The following FAAH2 variants were observed in gnomAD, a reference collection of about 807,000 sequenced individuals.
The protein encoded by FAAH2 is fatty acid amide hydrolase 2, also known as fatty-acid amide hydrolase 2.
Under a neutral mutation model 36.9 loss-of-function variants are expected in FAAH2, and 60 were observed. The ratio of observed to expected loss-of-function variants is 1.63; its 90% CI spans 1.32 to 2.02. FAAH2 has a LOEUF of 2.02. FAAH2 is among the 30% of genes most tolerant of loss of function. The pLI is 0.00. For synonymous variants in FAAH2, 214 were observed against 143.8 expected (o/e 1.49, Z -3.49); for missense variants, 689 against 397.5 (o/e 1.73, Z -6.23).
the FAAH2 span, among the ~76,000 whole-genome samples, chrX:57,181,927 A>G: frequency 9.0e-6 from 1 of 111,502 alleles, no homozygotes; most frequent in African/African-American, 3.3e-5. Context: ...AACACTGCAC[A>G]CCTTTAACCA....
intron 10 of FAAH2, among the ~76,000 whole-genome samples, chrX:57,482,675 G>T (rs1022888925): frequency 2.9e-5 from 3 of 104,503 alleles, no homozygotes; most frequent in African/African-American, 1.0e-4. Flanking sequence ...GACCAGATCT[G>T]CTTGTATTCG....
At chrX:57,288,209 A>G (rs1251791091) in intron 1 of FAAH2, among the ~76,000 whole-genome samples, 1 of 110,829 alleles carries the variant, frequency 9.0e-6, no homozygotes, top group Non-Finnish European at 1.9e-5. Flanking sequence ...CAGATAATAC[A>G]TATCAAGAAC....
At chrX:57,383,199 G>T (rs1249113538) in intron 7 of FAAH2, among the ~76,000 whole-genome samples, 1 of 111,868 alleles carries the variant, frequency 8.9e-6, no homozygotes, top group African/African-American at 3.3e-5. Context: ...AGCTATCTAT[G>T]ACAAACCCAC....
intron 4 of FAAH2, 22 bp from the exon 5 acceptor site, chrX:57,341,249 A>T (rs770739388): frequency 6.7e-6 from 8 of 1,185,530 alleles, no homozygotes; most frequent in Non-Finnish European, 9.0e-6. Context: ...ATTTATTTGC[A>T]AGTATTTTGT....
chrX:57,447,957 A>G (rs998074061), intron 9 of FAAH2, among the ~76,000 whole-genome samples: 5 of 111,865 alleles, frequency 4.5e-5, no homozygotes, highest in Non-Finnish European at 7.5e-5. Context: ...TTTCTTTTCT[A>G]TCCATCATCA....
the FAAH2 span, among the ~76,000 whole-genome samples, chrX:57,124,663 A>G: frequency 2.7e-5 from 3 of 111,060 alleles, no homozygotes; most frequent in Admixed American, 9.5e-5. Context: ...ATTTGTTTGT[A>G]TCCTCTTTTA....
the FAAH2 span, among the ~76,000 whole-genome samples, chrX:57,201,145 G>C: frequency 9.2e-6 from 1 of 108,654 alleles, no homozygotes; most frequent in South Asian, 4.0e-4. Context: ...TGCCAGGGCT[G>C]GGCACGGTGG....
Position 57,306,992 on chromosome X carries a change from C to CATATATATATATATATATAT in FAAH2, c.276-3600_276-3599insTATATATATATATATATATA, listed in dbSNP as rs1569245607. 3.7e-4 allele frequency among the ~76,000 whole-genome samples: 3 copies of CATATATATATATATATATAT among 8,034 alleles called. No individual in the cohort carries two copies. The Non-Finnish European group carries it at 7.5e-3, about 20-fold the overall frequency. The allele number at this position is 8,034 out of a possible 115,157, so 7.0% of individuals were successfully genotyped here. A position where few individuals can be genotyped will look rare whatever the true frequency, so the allele number is the denominator to read the frequency against. ...ACACACGTATACACACACACACACA[C>CATATATATATATATATATAT]AGATACATATATATATATATATATA... On this transcript the variant is annotated intron_variant, in intron 2 of 10. Transcript: ENST00000374900.
the FAAH2 span, among the ~76,000 whole-genome samples, chrX:57,278,589 T>C: frequency 1.8e-5 from 2 of 109,956 alleles, no homozygotes; most frequent in Non-Finnish European, 3.8e-5. Flanking sequence ...TTGCATCTAA[T>C]AAAACTAAAG....
At chrX:57,262,667 A>C in the FAAH2 span, among the ~76,000 whole-genome samples, 20 of 111,701 alleles carry the variant, frequency 1.8e-4, no homozygotes, top group African/African-American at 5.5e-4. Context: ...TCTAATGAGG[A>C]AATCTCAGAC....
At chrX:57,401,729 G>A (rs2055441109) in intron 7 of FAAH2, among the ~76,000 whole-genome samples, 1 of 111,138 alleles carries the variant, frequency 9.0e-6, no homozygotes, top group African/African-American at 3.3e-5. Context: ...GAACAGGACA[G>A]GCATTCTTTG....
intron 7 of FAAH2, among the ~76,000 whole-genome samples, chrX:57,430,640 G>T (rs1382257205): frequency 3.6e-5 from 4 of 112,099 alleles, no homozygotes; most frequent in African/African-American, 9.7e-5. Context: ...AATGTCATAG[G>T]TCTGCATCAG....
At chrX:57,330,094 A>G (rs2146995049) in intron 3 of FAAH2, among the ~76,000 whole-genome samples, 1 of 112,003 alleles carries the variant, frequency 8.9e-6, no homozygotes, top group South Asian at 3.8e-4. Context: ...GGGCACCTTG[A>G]AAAAAGAACA....
At chrX:57,455,981 A>C (rs1237189010) in intron 10 of FAAH2, among the ~76,000 whole-genome samples, 2 of 111,818 alleles carry the variant, frequency 1.8e-5, no homozygotes, top group Non-Finnish European at 3.8e-5. Context: ...AGTACTCCAC[A>C]CAACAACCAC....
intron 10 of FAAH2, among the ~76,000 whole-genome samples, chrX:57,482,982 A>C (rs1316071092): frequency 2.7e-5 from 3 of 110,144 alleles, no homozygotes; most frequent in Non-Finnish European, 5.7e-5. Flanking sequence ...TGATCACTAT[A>C]TACCTTCATA....
At chrX:57,355,004 C>CT (rs1280089434) in intron 5 of FAAH2, among the ~76,000 whole-genome samples, 1 of 110,968 alleles carries the variant, frequency 9.0e-6, no homozygotes, top group East Asian at 2.8e-4. Flanking sequence ...TTTCTTCTTA[C>CT]TTTTTTATCA....
At chrX:57,280,757 C>A in the FAAH2 span, among the ~76,000 whole-genome samples, 1 of 111,680 alleles carries the variant, frequency 9.0e-6, no homozygotes, top group African/African-American at 3.2e-5. Flanking sequence ...AAAAGTTGTA[C>A]ATGAATGTTT....
the FAAH2 span, among the ~76,000 whole-genome samples, chrX:57,172,108 A>G: frequency 9.0e-6 from 1 of 111,591 alleles, no homozygotes; most frequent in Non-Finnish European, 1.9e-5. Context: ...TCATTGGTCT[A>G]TTAGACTAGT....
chrX:57,375,317 T>C (rs547901874), intron 5 of FAAH2, among the ~76,000 whole-genome samples: 5 of 108,243 alleles, frequency 4.6e-5, no homozygotes, highest in South Asian at 8.3e-4. Context: ...TTTGAATGTC[T>C]GGTAGAATTC....
Sources: gnomAD v4.1 joint callset for allele counts (sites outside exome capture counted in the v4.1 genomes callset) on GRCh38, gnomAD v4.1.1 for gene constraint, MANE v1.5 for transcripts, NCBI Gene and HGNC (gene_info 2026-07-23, HGNC 2026-07-21) for gene names.